STXBP5L: variants seen among roughly 807,000 people sequenced by gnomAD.
STXBP5L encodes syntaxin binding protein 5L.
A neutral mutation model predicts 144.5 loss-of-function variants in STXBP5L; 65 were observed. The observed-to-expected ratio is 0.45, with a 90% CI of 0.37 to 0.55. The LOEUF (loss-of-function observed/expected upper bound fraction) is 0.55, where lower values mean the gene tolerates loss of function less well. Among genes scored for constraint, STXBP5L ranks in the 20% least tolerant of loss-of-function variants. The pLI, the probability that STXBP5L is intolerant of heterozygous loss-of-function variation, is 0.00. For synonymous variants in STXBP5L, 505 were observed against 469.6 expected, an observed-to-expected ratio of 1.08 and a Z score of -0.97; for missense variants, 1,298 against 1,405.5, an observed-to-expected ratio of 0.92 and a Z score of 1.22.
At chr3:120,983,899 A>T (rs1942041791) in intron 3 of STXBP5L, among the ~76,000 whole-genome samples, 1 of 152,164 alleles carries the variant, frequency 6.6e-6, no homozygotes. Context: ...TTCTTAATGG[A>T]AGAGGCACCT....
chr3:120,925,368 C>A (rs1451336309), intron 2 of STXBP5L, among the ~76,000 whole-genome samples: 1 of 152,142 alleles, frequency 6.6e-6, no homozygotes, highest in African/African-American at 2.4e-5. Context: ...TATTTATAAT[C>A]ATTATATCCT....
intron 3 of STXBP5L, among the ~76,000 whole-genome samples, chr3:120,957,850 T>G (rs1300265269): frequency 6.6e-6 from 1 of 152,004 alleles, no homozygotes; most frequent in Non-Finnish European, 1.5e-5. Context: ...TTAAAAGAAC[T>G]AGAGAAGCAA....
chr3:121,012,378 G>A (rs1944839830), intron 3 of STXBP5L, among the ~76,000 whole-genome samples: 1 of 151,818 alleles, frequency 6.6e-6, no homozygotes, highest in Non-Finnish European at 1.5e-5. Flanking sequence ...TACATTATGA[G>A]GAGCTGCTAT....
intron 5 of STXBP5L, among the ~76,000 whole-genome samples, chr3:121,051,245 TC>T (rs1947964173): frequency 2.0e-5 from 3 of 152,088 alleles, no homozygotes; most frequent in African/African-American, 7.3e-5. Flanking sequence ...CTAATAGACA[TC>T]TACAGAACTC....
chr3:121,315,931 A>G (rs1328573736), intron 19 of STXBP5L, among the ~76,000 whole-genome samples: 2 of 151,092 alleles, frequency 1.3e-5, no homozygotes, highest in Non-Finnish European at 2.9e-5. Flanking sequence ...GAGACCCAGG[A>G]GGCGGAGGTT....
intron 5 of STXBP5L, among the ~76,000 whole-genome samples, chr3:121,048,688 C>CTTTTT (rs11444329): frequency 7.1e-6 from 1 of 141,036 alleles, no homozygotes; most frequent in African/African-American, 2.6e-5. Context: ...CAGTTAGAGT[C>CTTTTT]TTTTTTTTTT....
intron 18 of STXBP5L, among the ~76,000 whole-genome samples, chr3:121,272,235 AC>A (rs2050754601): frequency 1.3e-5 from 2 of 152,102 alleles, no homozygotes; most frequent in Non-Finnish European, 2.9e-5. Flanking sequence ...GAAATGCCCT[AC>A]TTTTATTGAA....
intron 4 of STXBP5L, among the ~76,000 whole-genome samples, chr3:121,043,949 GTAT>G (rs1371819458): frequency 6.6e-6 from 1 of 152,032 alleles, no homozygotes; most frequent in Non-Finnish European, 1.5e-5. Context: ...CCAGTATACT[GTAT>G]TCAAAAAAAT....
At chr3:121,005,448 C>A (rs867919474) in intron 3 of STXBP5L, among the ~76,000 whole-genome samples, 1 of 152,094 alleles carries the variant, frequency 6.6e-6, no homozygotes, top group East Asian at 1.9e-4. Context: ...CTCTTTTCTT[C>A]TTTATTAGTC....
At chr3:121,012,109 A>T (rs1944817942) in intron 3 of STXBP5L, among the ~76,000 whole-genome samples, 1 of 151,872 alleles carries the variant, frequency 6.6e-6, no homozygotes, top group Non-Finnish European at 1.5e-5. Flanking sequence ...ATTTAATATA[A>T]TGTTTGCAAA....
chr3:121,096,361 T>G (rs2043129371), intron 5 of STXBP5L, among the ~76,000 whole-genome samples: 2 of 152,250 alleles, frequency 1.3e-5, no homozygotes, highest in African/African-American at 4.8e-5. Context: ...TTTTGTCAGT[T>G]AATCAAACTC....
chr3:121,038,029 C>A (rs1946880447), intron 3 of STXBP5L, among the ~76,000 whole-genome samples: 2 of 151,766 alleles, frequency 1.3e-5, no homozygotes, highest in Admixed American at 1.3e-4. Context: ...AATGTGTGTA[C>A]TTTCTTTTTA....
intron 20 of STXBP5L, among the ~76,000 whole-genome samples, chr3:121,370,483 A>C (rs1022836962): frequency 3.9e-5 from 6 of 152,220 alleles, no homozygotes; most frequent in African/African-American, 1.4e-4. Flanking sequence ...AGAAGCCTGT[A>C]CAGCCCGAAG....
chr3:121,348,300 A>T (rs1417246957), intron 20 of STXBP5L, among the ~76,000 whole-genome samples: 1 of 152,116 alleles, frequency 6.6e-6, no homozygotes, highest in Non-Finnish European at 1.5e-5. Context: ...CGTCCCAGGG[A>T]TGAAGTCCAC....
chr3:121,165,960 GC>G (rs1370185025), intron 9 of STXBP5L, among the ~76,000 whole-genome samples: 4 of 41,954 alleles, frequency 9.5e-5, no homozygotes, highest in Non-Finnish European at 1.3e-4. Context: ...TTTAAATATC[GC>G]CCCTGTTCCA....
intron 2 of STXBP5L, among the ~76,000 whole-genome samples, chr3:120,931,821 G>C (rs1054051781): frequency 1.3e-5 from 2 of 152,084 alleles, no homozygotes; most frequent in African/African-American, 4.8e-5. Context: ...ATGGCCAATG[G>C]CTGCCATATT....
chr3:121,022,081 G>T (rs1945598854), intron 3 of STXBP5L, among the ~76,000 whole-genome samples: 1 of 152,024 alleles, frequency 6.6e-6, no homozygotes, highest in African/African-American at 2.4e-5. Flanking sequence ...AATGAAACAG[G>T]AGATATTACA....
chr3:121,098,084 A>G (rs964136806), intron 5 of STXBP5L, among the ~76,000 whole-genome samples: 1 of 152,162 alleles, frequency 6.6e-6, no homozygotes, highest in Non-Finnish European at 1.5e-5. Context: ...TTTCTGTTCA[A>G]CCTACGGTAC....
At chr3:121,366,940 G>A (rs952324756) in intron 20 of STXBP5L, among the ~76,000 whole-genome samples, 6 of 151,922 alleles carry the variant, frequency 3.9e-5, no homozygotes, top group Admixed American at 1.3e-4. Flanking sequence ...GTTACCATTT[G>A]GCTTACATTT....
Sources: allele counts gnomAD v4.1 joint callset (sites outside exome capture counted in the v4.1 genomes callset), GRCh38; gene constraint gnomAD v4.1.1; transcripts MANE v1.5; gene names NCBI Gene and HGNC (gene_info 2026-07-23, HGNC 2026-07-21).